The following PDE3A variants were observed in gnomAD, a reference collection of about 807,000 sequenced individuals.
PDE3A encodes phosphodiesterase 3A.
Under a neutral mutation model 98.3 loss-of-function variants are expected in PDE3A, and 43 were observed. The ratio of observed to expected loss-of-function variants is 0.44; its 90% confidence interval spans 0.34 to 0.56. The LOEUF (loss-of-function observed/expected upper bound fraction) is 0.56. Among genes scored for constraint, PDE3A ranks in the 20% least tolerant of loss-of-function variants. The pLI is 0.01. For synonymous variants in PDE3A, 663 were observed against 567.9 expected (o/e 1.17, Z -2.38); for missense variants, 1,427 against 1,440.7 (o/e 0.99, Z 0.15).
intron 1 of PDE3A, among the ~76,000 whole-genome samples, chr12:20,459,931 T>G (rs1945218423): frequency 6.6e-6 from 1 of 152,188 alleles, no homozygotes; most frequent in African/African-American, 2.4e-5. Context: ...CATGAAATAG[T>G]GTTTGATACT....
intron 1 of PDE3A, among the ~76,000 whole-genome samples, chr12:20,556,100 GC>G (rs2037691725): frequency 1.3e-5 from 2 of 151,972 alleles, no homozygotes; most frequent in African/African-American, 4.8e-5. Flanking sequence ...GTAGCTCAGG[GC>G]TATTACCACC....
rs547396148 is a variant in PDE3A, at chr12:20,383,194, G to A, written c.960+12950G>A. Among the ~76,000 whole-genome samples the A allele has an allele frequency of 3.9e-5, 6 of 151,942 alleles. 1 individual carries two copies. Among genetic ancestry groups the A allele is most frequent in the African/African-American group, 9.6e-5 (4 of 41,500 alleles). ...TGTGTAGTGTGTCCTATAACCCCAC[G>A]TACAGAAACTTGATTTGTGCTTTAA... On this transcript the variant is annotated intron_variant, in intron 1 of 15. Transcript: ENST00000359062.
At chr12:20,679,393 G>A (rs1417641120) in intron 15 of PDE3A, among the ~76,000 whole-genome samples, 3 of 152,020 alleles carry the variant, frequency 2.0e-5, no homozygotes, top group African/African-American at 4.8e-5. Context: ...GACTACTGGC[G>A]CCTGCCACCA....
At chr12:20,642,202 A>T (rs1025646061) in intron 10 of PDE3A, among the ~76,000 whole-genome samples, 2 of 152,128 alleles carry the variant, frequency 1.3e-5, no homozygotes, top group African/African-American at 2.4e-5. Flanking sequence ...TAAATTTCTT[A>T]TTATAGTTCT....
At chr12:20,425,272 G>A (rs548513470) in intron 1 of PDE3A, among the ~76,000 whole-genome samples, 10 of 151,964 alleles carry the variant, frequency 6.6e-5, no homozygotes, top group South Asian at 2.1e-4. Context: ...TTTTTCCACC[G>A]GCAGATGGGT....
At chr12:20,537,093 C>T (rs1941768452) in intron 1 of PDE3A, among the ~76,000 whole-genome samples, 1 of 151,982 alleles carries the variant, frequency 6.6e-6, no homozygotes, top group African/African-American at 2.4e-5. Context: ...TTTTTATAGC[C>T]ATACTGATGG....
intron 1 of PDE3A, among the ~76,000 whole-genome samples, chr12:20,404,760 A>C (rs1232391336): frequency 2.0e-5 from 3 of 149,054 alleles, no homozygotes; most frequent in African/African-American, 7.4e-5. Flanking sequence ...GGCATGATTC[A>C]TATTCCTTGA....
intron 1 of PDE3A, among the ~76,000 whole-genome samples, chr12:20,437,116 C>T (rs914020294): frequency 6.6e-6 from 1 of 151,830 alleles, no homozygotes; most frequent in Non-Finnish European, 1.5e-5. Flanking sequence ...ATTGACTACA[C>T]ATCTGGACTG....
intron 1 of PDE3A, among the ~76,000 whole-genome samples, chr12:20,550,175 T>C (rs958768768): frequency 6.6e-6 from 1 of 152,144 alleles, no homozygotes; most frequent in African/African-American, 2.4e-5. Context: ...TTTGTAAGAT[T>C]TATTTACCTC....
chr12:20,552,829 C>T lies in PDE3A; in HGVS notation c.961-3831C>T. ...CTGCTGTCAGGAGCTGGTGTTCCGG[C>T]CCATCACGACCGTGTGCCAGCACAA... On this transcript the variant is annotated intron_variant, in intron 1 of 15. Transcript: ENST00000359062. This position sits in a 1 kb window ranked among gnomAD's most constrained non-coding sequence, Gnocchi z 5.1. 1.2e-6 allele frequency: 2 copies of T among 1,613,954 alleles called. No individual in the cohort carries two copies. The highest frequency in any genetic ancestry group is 2.2e-5 in the South Asian group (2 of 91,058).
At chr12:20,639,985 A>G (rs971139244) in intron 10 of PDE3A, 28 bp downstream of exon 10, 2 of 1,033,016 alleles carry the variant, frequency 1.9e-6, no homozygotes, top group Non-Finnish European at 1.5e-6. Context: ...GTGAAATAAT[A>G]CTTTTAAAAT....
At chr12:20,556,766 G>A (rs970840203) in intron 2 of PDE3A, 56 bp downstream of exon 2, 9 of 1,253,368 alleles carry the variant, frequency 7.2e-6, no homozygotes, top group South Asian at 6.0e-5. Context: ...TTTCAGCCAC[G>A]GGTTTTCTAA....
intron 1 of PDE3A, among the ~76,000 whole-genome samples, chr12:20,521,292 G>C (rs977505079): frequency 1.3e-5 from 2 of 152,062 alleles, no homozygotes; most frequent in Non-Finnish European, 2.9e-5. Context: ...TAGCTTCTAT[G>C]AGATAAAATT....
chr12:20,619,826 G>T (rs1019601866), intron 4 of PDE3A, among the ~76,000 whole-genome samples: 1 of 151,786 alleles, frequency 6.6e-6, no homozygotes, highest in African/African-American at 2.4e-5. Flanking sequence ...AAAATACCTG[G>T]GTCAGTAGTT....
intron 2 of PDE3A, among the ~76,000 whole-genome samples, chr12:20,600,015 G>A (rs1215237387): frequency 3.9e-5 from 6 of 152,124 alleles, no homozygotes; most frequent in African/African-American, 1.4e-4. Context: ...TTTCCTTGGT[G>A]CCATGGACAC....
chr12:20,484,495 T>A (rs1442364368), intron 1 of PDE3A, among the ~76,000 whole-genome samples: 1 of 152,210 alleles, frequency 6.6e-6, no homozygotes, highest in Non-Finnish European at 1.5e-5. Flanking sequence ...CTGTGATTTC[T>A]GAAGGAAAGG....
Position 20,421,869 on chromosome 12 carries a change from A to C in PDE3A, c.960+51625A>C, listed in dbSNP as rs558468321. Among the ~76,000 whole-genome samples, 618 of 152,326 alleles carry C rather than the reference A, an allele frequency of 4.1e-3. 3 individuals are homozygous for C. The highest frequency in any genetic ancestry group is 7.5e-3 in the Non-Finnish European group (509 of 68,030). ...AGTGGGAAAATATTTGGAAAATTCA[A>C]GCTCTGAGAATAGCCTGTCTGGGAT... is the stretch of plus-strand genomic sequence containing the variant. On this transcript the variant is annotated intron_variant, in intron 1 of 15. Coordinates refer to ENST00000359062, the MANE Select transcript of PDE3A (RefSeq NM_000921.5).
At position 20,500,260 on chromosome 12, in the gene PDE3A, C is replaced by T. The variant is rs1945997636; in HGVS notation, c.961-56400C>T. Reference sequence around the variant, plus strand: ...TGTTCTTGAAAAGAGAACTCAGATACCGTATTAGATATGATAAAGTAGAAT... The same window carrying T: ...TGTTCTTGAAAAGAGAACTCAGATATCGTATTAGATATGATAAAGTAGAAT... On this transcript the variant is annotated intron_variant, in intron 1 of 15. Transcript: ENST00000359062. 2.0e-5 allele frequency among the ~76,000 whole-genome samples: 3 copies of T among 152,080 alleles called. 1 individual carries two copies. The South Asian group carries it at 6.2e-4, about 31-fold the overall frequency.
chr12:20,375,357 T>C (rs970443138), intron 1 of PDE3A, among the ~76,000 whole-genome samples: 4 of 151,954 alleles, frequency 2.6e-5, no homozygotes, highest in African/African-American at 9.7e-5. Context: ...TTGTTGTTTG[T>C]TTTTTTAGTA....
Sources: gnomAD v4.1 joint callset for allele counts (sites outside exome capture counted in the v4.1 genomes callset) on GRCh38, gnomAD v4.1.1 for gene constraint, Gnocchi (gnomAD v3.1) non-coding constraint, MANE v1.5 for transcripts, NCBI Gene and HGNC (gene_info 2026-07-23, HGNC 2026-07-21) for gene names.